DPP10: variants seen among roughly 807,000 people sequenced by gnomAD.
The protein encoded by DPP10 is inactive dipeptidyl peptidase 10.
In DPP10, 33 loss-of-function variants were observed where a neutral mutation model predicts 120.9. That is an observed-to-expected ratio of 0.27 (90% CI 0.21 to 0.37). The LOEUF (loss-of-function observed/expected upper bound fraction) is 0.37, where lower values mean the gene tolerates loss of function less well. Among genes scored for constraint, DPP10 ranks in the 10% least tolerant of loss-of-function variants. DPP10 has a pLI of 1.00. For synonymous variants in DPP10, 337 were observed against 326.1 expected, an observed-to-expected ratio of 1.03 and a Z score of -0.36; for missense variants, 816 against 942.8, an observed-to-expected ratio of 0.87 and a Z score of 1.76.
chr2:115,468,345 A>G (rs191062232), intron 3 of DPP10: 15 of 513,364 alleles, frequency 2.9e-5, no homozygotes, highest in East Asian at 2.2e-4. Context: ...AGCAACTCCA[A>G]TTGCTGGCTG....
intron 1 of DPP10, among the ~76,000 whole-genome samples, chr2:114,880,118 T>C (rs1014694170): frequency 6.6e-6 from 1 of 152,194 alleles, no homozygotes; most frequent in Non-Finnish European, 1.5e-5. Context: ...AGGGAAATAA[T>C]TGAGGCTGTG....
chr2:114,471,107 CTG>C (rs1679869967), intron 1 of DPP10, among the ~76,000 whole-genome samples: 1 of 152,194 alleles, frequency 6.6e-6, no homozygotes, highest in African/African-American at 2.4e-5. Context: ...TACAACCTAA[CTG>C]TATGTTCTTT....
At chr2:115,048,608 A>G (rs1051122368) in intron 1 of DPP10, among the ~76,000 whole-genome samples, 1 of 152,126 alleles carries the variant, frequency 6.6e-6, no homozygotes, top group South Asian at 2.1e-4. Context: ...GGGTCTGTCC[A>G]CTTTGCCACC....
chr2:114,725,210 A>G (rs934220619), intron 1 of DPP10, among the ~76,000 whole-genome samples: 11 of 152,192 alleles, frequency 7.2e-5, no homozygotes, highest in African/African-American at 2.7e-4. Flanking sequence ...CATTAAAATT[A>G]TATCTGATGC....
chr2:115,629,297 G>A (rs1277178093), intron 5 of DPP10, among the ~76,000 whole-genome samples: 1 of 152,078 alleles, frequency 6.6e-6, no homozygotes, highest in Non-Finnish European at 1.5e-5. Context: ...TGTCTTTATA[G>A]CAGCATGATT....
chr2:114,668,655 A>G lies in DPP10; in HGVS notation c.60+225817A>G, dbSNP rs143559837. Among the ~76,000 whole-genome samples, 199 of 152,280 alleles carry G rather than the reference A, an allele frequency of 1.3e-3. 1 individual carries two copies. Among genetic ancestry groups the G allele is most frequent in the African/African-American group, 4.6e-3 (192 of 41,554 alleles). ...AAAGTAGCCTAAGGTAAAACCTGAT[A>G]CTTGTTTATAATTTTCACCACCAAC... is the stretch of plus-strand genomic sequence containing the variant. On this transcript the variant is annotated intron_variant, in intron 1 of 25. Coordinates refer to ENST00000410059, the MANE Select transcript of DPP10 (RefSeq NM_020868.6).
chr2:115,700,372 A>G (rs528897706), intron 7 of DPP10, among the ~76,000 whole-genome samples: 6 of 152,264 alleles, frequency 3.9e-5, no homozygotes, highest in African/African-American at 1.2e-4. Flanking sequence ...CATTTTTAAA[A>G]ATTTAACACC....
At chr2:115,672,650 C>CTCTCTT (rs1559010113) in intron 5 of DPP10, among the ~76,000 whole-genome samples, 52 of 68,844 alleles carry the variant, frequency 7.6e-4, no homozygotes, top group South Asian at 5.5e-3. Context: ...CTTTCTCTCT[C>CTCTCTT]TCTTTCTTTC....
chr2:115,219,023 A>G (rs1349390978), intron 1 of DPP10, among the ~76,000 whole-genome samples: 1 of 152,118 alleles, frequency 6.6e-6, no homozygotes, highest in Non-Finnish European at 1.5e-5. Context: ...TTGTTTAGAG[A>G]TAGCATGCAT....
chr2:114,736,197 G>C (rs1174690121), intron 1 of DPP10, among the ~76,000 whole-genome samples: 1 of 151,852 alleles, frequency 6.6e-6, no homozygotes, highest in Non-Finnish European at 1.5e-5. Context: ...CCCTCTCTAA[G>C]TAATGCCATG....
At chr2:115,484,252 A>AT (rs34563117) in intron 3 of DPP10, among the ~76,000 whole-genome samples, 58,588 of 148,712 alleles carry the variant, frequency 0.39, 11,848 homozygotes, top group East Asian at 0.62. Context: ...TGGAGAGGCA[A>AT]TTTTTTTTTT....
Position 114,663,242 on chromosome 2 carries a change from G to GTATA in DPP10, c.60+220405_60+220406insATAT, listed in dbSNP as rs757487003. 5.4e-3 allele frequency among the ~76,000 whole-genome samples: 728 copies of GTATA among 134,014 alleles called. 3 individuals are homozygous for GTATA. The highest frequency in any genetic ancestry group is 0.02 in the Middle Eastern group (5 of 246). 87.9% of individuals were successfully genotyped at this position (134,014 alleles called of 152,430 possible). ...GATGTGTATATTAAGAGCCTTGTGTGTGTATATATATATATATCTATATAT... is the reference window on the plus strand; with the variant it reads ...GATGTGTATATTAAGAGCCTTGTGTGTATATGTATATATATATATATCTATATAT... On this transcript the variant is annotated intron_variant, in intron 1 of 25. Transcript: ENST00000410059.
At chr2:115,501,123 G>C (rs1454920978) in intron 4 of DPP10, among the ~76,000 whole-genome samples, 1 of 151,914 alleles carries the variant, frequency 6.6e-6, no homozygotes, top group African/African-American at 2.4e-5. Context: ...ATAATTTTAT[G>C]GAGATTCTAG....
chr2:115,207,382 T>C (rs1363967770), intron 1 of DPP10, among the ~76,000 whole-genome samples: 3 of 126,116 alleles, frequency 2.4e-5, no homozygotes, highest in Non-Finnish European at 4.7e-5. Flanking sequence ...ACCAAGGTAA[T>C]GACTTGTGGG....
intron 1 of DPP10, among the ~76,000 whole-genome samples, chr2:114,646,621 T>A (rs1696160054): frequency 6.6e-6 from 1 of 152,088 alleles, no homozygotes; most frequent in South Asian, 2.1e-4. Flanking sequence ...AAGGGACAAA[T>A]GAACAAGGAG....
chr2:115,510,603 T>C (rs917554060), intron 4 of DPP10, among the ~76,000 whole-genome samples: 1 of 152,112 alleles, frequency 6.6e-6, no homozygotes, highest in African/African-American at 2.4e-5. Flanking sequence ...TTTGCTCTTT[T>C]TCAAAATTGG....
intron 1 of DPP10, among the ~76,000 whole-genome samples, chr2:114,573,008 G>A (rs2105028087): frequency 6.6e-6 from 1 of 152,298 alleles, no homozygotes; most frequent in East Asian, 1.9e-4. Context: ...TCTGAGACAA[G>A]GTCTTGCTGT....
At chr2:115,482,099 A>C (rs1033190641) in intron 3 of DPP10, among the ~76,000 whole-genome samples, 3 of 152,052 alleles carry the variant, frequency 2.0e-5, no homozygotes, top group African/African-American at 7.2e-5. Flanking sequence ...AATATATCTA[A>C]AGTTTTGTAT....
At chr2:114,559,027 C>T (rs1688545027) in intron 1 of DPP10, among the ~76,000 whole-genome samples, 2 of 152,250 alleles carry the variant, frequency 1.3e-5, no homozygotes, top group East Asian at 1.9e-4. Flanking sequence ...TGTCGACATA[C>T]GTGTCCATGT....
Sources: allele counts gnomAD v4.1 joint callset (sites outside exome capture counted in the v4.1 genomes callset), GRCh38; gene constraint gnomAD v4.1.1; transcripts MANE v1.5; gene names NCBI Gene and HGNC (gene_info 2026-07-23, HGNC 2026-07-21).